FAM13A: variants seen among roughly 807,000 people sequenced by gnomAD.
The protein encoded by FAM13A is family with sequence similarity 13 member A.
A neutral mutation model predicts 129.6 loss-of-function variants in FAM13A; 76 were observed. The ratio of observed to expected loss-of-function variants is 0.59; its 90% CI spans 0.49 to 0.71. The LOEUF (loss-of-function observed/expected upper bound fraction) is 0.71, where lower values mean the gene tolerates loss of function less well. Ranked by LOEUF, FAM13A falls within the 30% of genes least tolerant of loss-of-function variation. The pLI is 0.00. For synonymous variants in FAM13A, 443 were observed against 449.9 expected, an observed-to-expected ratio of 0.98 and a Z score of 0.20; for missense variants, 1,108 against 1,249.3, an observed-to-expected ratio of 0.89 and a Z score of 1.70.
intron 11 of FAM13A, among the ~76,000 whole-genome samples, chr4:88,775,313 T>C (rs767352019): frequency 2.0e-5 from 3 of 152,110 alleles, no homozygotes; most frequent in Non-Finnish European, 2.9e-5. Context: ...AAAAGACCAG[T>C]AGAGACATTA....
intron 3 of FAM13A, among the ~76,000 whole-genome samples, chr4:89,014,978 C>A (rs960196857): frequency 6.6e-6 from 1 of 152,128 alleles, no homozygotes; most frequent in African/African-American, 2.4e-5. Context: ...TCGCTGAATT[C>A]TTTTTCTCAG....
At chr4:89,016,341 G>A (rs1766486162) in intron 3 of FAM13A, among the ~76,000 whole-genome samples, 4 of 152,098 alleles carry the variant, frequency 2.6e-5, no homozygotes, top group African/African-American at 9.7e-5. Context: ...GAATCAAAAT[G>A]TTTTTAAAAG....
chr4:89,015,321 A>C (rs1766331790), intron 3 of FAM13A, among the ~76,000 whole-genome samples: 1 of 152,084 alleles, frequency 6.6e-6, no homozygotes, highest in Admixed American at 6.5e-5. Flanking sequence ...TGTGACCCAC[A>C]CCCTATTTGT....
chr4:88,976,268 T>C (rs1415209188), intron 4 of FAM13A, among the ~76,000 whole-genome samples: 4 of 152,178 alleles, frequency 2.6e-5, no homozygotes, highest in Non-Finnish European at 5.9e-5. Flanking sequence ...GCCAGGCAGA[T>C]GTTATTGCTT....
chr4:88,817,584 C>T (rs184201263), intron 7 of FAM13A, among the ~76,000 whole-genome samples: 1 of 151,982 alleles, frequency 6.6e-6, no homozygotes, highest in East Asian at 1.9e-4. Flanking sequence ...AAAGTTATTT[C>T]TAGTTCTTCT....
intron 3 of FAM13A, among the ~76,000 whole-genome samples, chr4:89,013,657 C>A (rs1766048327): frequency 6.6e-6 from 1 of 152,138 alleles, no homozygotes; most frequent in South Asian, 2.1e-4. Context: ...TGTGGTGATG[C>A]TGGTGTAAAC....
chr4:88,787,757 C>T lies in FAM13A; in HGVS notation c.1267G>A (p.Asp423Asn), dbSNP rs771908643. 1.6e-5 allele frequency: 26 copies of T among 1,611,332 alleles called. No homozygotes were observed. Among genetic ancestry groups the T allele is most frequent in the Non-Finnish European group, 2.1e-5 (25 of 1,179,046 alleles). The change falls in exon 10 of 24, where the codon GAC becomes AAC. Residue 423 changes from aspartate to asparagine, a missense_variant. Asp to Asn is a conservative substitution (Grantham distance 23). Around this residue, in one of 3 missense-constraint regions of FAM13A, gnomAD observed 566 missense variants for 595.7 expected, o/e 0.95. Coordinates refer to ENST00000264344, the MANE Select transcript of FAM13A (RefSeq NM_014883.4). Reference protein sequence around the residue: ...KEQDEVRHGRDKGLINKENTP... With the variant: ...KEQDEVRHGRNKGLINKENTP... ...GAAGAATCAATGCCAACTCACTTGT[C>T]TCTCCCATGTCGAACTTCATCCTGC...
At chr4:88,774,594 GA>G (rs1721316398) in intron 11 of FAM13A, among the ~76,000 whole-genome samples, 2 of 152,172 alleles carry the variant, frequency 1.3e-5, no homozygotes, top group African/African-American at 4.8e-5. Flanking sequence ...GTGTTACACT[GA>G]AAACAATTGT....
chr4:88,840,335 C>T (rs557952267), intron 7 of FAM13A, among the ~76,000 whole-genome samples: 29 of 152,248 alleles, frequency 1.9e-4, no homozygotes, highest in African/African-American at 7.0e-4. Flanking sequence ...CAAGTACATA[C>T]AATCCTTTAT....
chr4:88,864,040 A>G (rs1739966765), intron 6 of FAM13A, among the ~76,000 whole-genome samples: 1 of 152,264 alleles, frequency 6.6e-6, no homozygotes, highest in South Asian at 2.1e-4. Context: ...TATTGCGATA[A>G]TAGAATTCGA....
intron 3 of FAM13A, chr4:89,009,146 C>T (rs1360995882): frequency 6.6e-6 from 1 of 152,132 alleles, no homozygotes; most frequent in Non-Finnish European, 1.5e-5. Flanking sequence ...ACCACGAAAT[C>T]ATCAGATCCT....
Position 88,728,517 on chromosome 4 carries a change from T to C in FAM13A, c.*16A>G, listed in dbSNP as rs770041835. On this transcript the variant is annotated 3_prime_UTR_variant, in exon 24 of 24. Coordinates refer to ENST00000264344, the MANE Select transcript of FAM13A (RefSeq NM_014883.4). ...TCTCACCGCAGCTGCCAGCCCCCTG[T>C]GCTTGGCCATGCCCCTCACATGGAC... 2 of 1,613,858 alleles carry C rather than the reference T, an allele frequency of 1.2e-6. No homozygotes were observed. Among genetic ancestry groups the C allele is most frequent in the Non-Finnish European group, 8.5e-7 (1 of 1,179,988 alleles).
intron 14 of FAM13A, among the ~76,000 whole-genome samples, chr4:88,753,936 T>A (rs1440855946): frequency 6.6e-6 from 1 of 152,202 alleles, no homozygotes; most frequent in Non-Finnish European, 1.5e-5. Context: ...CAATTGCTAC[T>A]TTGGGAAATA....
In FAM13A at chr4:88,991,093, TCTG is replaced by T; in HGVS notation, c.482_484del (p.Pro161_Asp162delinsHis). On this transcript the variant is annotated inframe_deletion, in exon 4 of 24. Coordinates refer to ENST00000264344, the MANE Select transcript of FAM13A (RefSeq NM_014883.4). ...GTACTTGAGGAGGCAGTAGTGGGTG[TCTG>T]GCAGCTCTTTTATTAAGTCTCTTAA... 1.2e-6 allele frequency: 2 copies of T among 1,613,862 alleles called. No individual in the cohort carries two copies. Among genetic ancestry groups the T allele is most frequent in the Non-Finnish European group, 1.7e-6 (2 of 1,179,778 alleles).
intron 4 of FAM13A, among the ~76,000 whole-genome samples, chr4:88,958,301 C>T (rs545028278): frequency 7.2e-5 from 11 of 152,330 alleles, no homozygotes; most frequent in South Asian, 4.1e-4. Flanking sequence ...TACCCTGCAC[C>T]GCTTCAGGAC....
chr4:88,767,681 TAA>T (rs1338591524), intron 12 of FAM13A, 86 bp from the exon 13 acceptor site: 11 of 1,104,338 alleles, frequency 1.0e-5, no homozygotes, highest in African/African-American at 6.3e-5. Context: ...TGATTTAATT[TAA>T]GAGTATGTTG....
At chr4:88,878,611 T>C (rs1400446231) in intron 6 of FAM13A, among the ~76,000 whole-genome samples, 1 of 152,226 alleles carries the variant, frequency 6.6e-6, no homozygotes, top group Admixed American at 6.5e-5. Context: ...GGCATAAAAG[T>C]AAACTTGAAC....
intron 19 of FAM13A, among the ~76,000 whole-genome samples, chr4:88,739,621 C>CA (rs5860146): frequency 0.23 from 25,988 of 112,454 alleles, 2,706 homozygotes; most frequent in Admixed American, 0.29. Context: ...CTAAAAAATA[C>CA]AAAAAAAAAA....
intron 5 of FAM13A, among the ~76,000 whole-genome samples, chr4:88,935,456 A>AT (rs1177964605): frequency 6.6e-6 from 1 of 152,124 alleles, no homozygotes; most frequent in East Asian, 1.9e-4. Context: ...CCCAACTCAT[A>AT]TATTTTATGT....
Sources: gnomAD v4.1 joint callset for allele counts (sites outside exome capture counted in the v4.1 genomes callset) on GRCh38, gnomAD v4.1.1 for gene constraint, gnomAD v4.1.1 regional missense constraint, MANE v1.5 for transcripts, NCBI Gene and HGNC (gene_info 2026-07-23, HGNC 2026-07-21) for gene names.